Variants in ZNF710 observed in about 807,000 individuals in gnomAD.
The protein encoded by ZNF710 is zinc finger protein 710.
ZNF710 carries 13 observed loss-of-function variants against 50.6 expected under a neutral mutation model. The ratio of observed to expected loss-of-function variants is 0.26; its 90% confidence interval spans 0.17 to 0.41. The LOEUF (loss-of-function observed/expected upper bound fraction) is 0.41, where lower values mean the gene tolerates loss of function less well. ZNF710 is among the 10% of genes least tolerant of loss of function. The probability of loss-of-function intolerance (pLI) is 1.00; values close to 1 mark genes in which losing one functional copy is unlikely to be tolerated. For missense variants in ZNF710, 721 were observed against 936.6 expected, an observed-to-expected ratio of 0.77 and a Z score of 3.01; for synonymous variants, 383 against 397.0, an observed-to-expected ratio of 0.96 and a Z score of 0.42.
chr15:90,079,936 C>A lies in ZNF710; in HGVS notation c.*107C>A, dbSNP rs1900682626. On this transcript the variant is annotated 3_prime_UTR_variant, in exon 5 of 5. Transcript: ENST00000268154. The stretch of plus-strand genomic sequence containing the variant: ...AGCCGAGAAACAAGCTACTGCCCCA[C>A]TGTTCTGAGCCCTCCCTCCCCGAGT... 1.8e-6 allele frequency: 2 copies of A among 1,095,168 alleles called. No homozygotes were observed. The highest frequency in any genetic ancestry group is 2.5e-6 in the Non-Finnish European group (2 of 798,642). The allele number at this position is 1,095,168 out of a possible 1,614,324, so 67.8% of individuals were successfully genotyped here. A position where few individuals can be genotyped will look rare whatever the true frequency, so the allele number is the denominator to read the frequency against.
intron 2 of ZNF710, among the ~76,000 whole-genome samples, chr15:90,070,788 C>T (rs1261171276): frequency 6.6e-6 from 1 of 152,140 alleles, no homozygotes; most frequent in Non-Finnish European, 1.5e-5. Flanking sequence ...CACTGCACTC[C>T]AGTCTGGGCA....
intron 4 of ZNF710, chr15:90,076,468 C>T (rs1900592298): frequency 6.6e-6 from 1 of 152,238 alleles, no homozygotes; most frequent in South Asian, 2.1e-4. Flanking sequence ...GGCGTACTGG[C>T]TCACGCCTAT....
chr15:90,052,554 T>C (rs1484178317), intron 1 of ZNF710, among the ~76,000 whole-genome samples: 1 of 152,214 alleles, frequency 6.6e-6, no homozygotes, highest in Admixed American at 6.5e-5. Flanking sequence ...CAATCCTGCC[T>C]TTATCTCTTA....
intron 1 of ZNF710, among the ~76,000 whole-genome samples, chr15:90,009,919 A>G (rs1898254316): frequency 6.6e-6 from 1 of 151,842 alleles, no homozygotes; most frequent in Non-Finnish European, 1.5e-5. Context: ...CTCTTACCTG[A>G]CTGCCCGGTG....
Position 90,040,881 on chromosome 15 carries a change from C to T in ZNF710, c.-28-26229C>T, listed in dbSNP as rs1270778872. Among the ~76,000 whole-genome samples the T allele has an allele frequency of 1.3e-5, 2 of 152,200 alleles. No individual in the cohort carries two copies. The highest frequency in any genetic ancestry group is 1.5e-5 in the Non-Finnish European group (1 of 68,036). ...TGTTGCAAGTGAGGACTTATCTCTCCACCACCCTATCATTCCTCCTCCTCC... is the reference window on the plus strand; with the variant it reads ...TGTTGCAAGTGAGGACTTATCTCTCTACCACCCTATCATTCCTCCTCCTCC... On this transcript the variant is annotated intron_variant, in intron 1 of 4. Coordinates refer to ENST00000268154, the MANE Select transcript of ZNF710 (RefSeq NM_198526.4). This position sits in a 1 kb window ranked among gnomAD's most constrained non-coding sequence, Gnocchi z 4.6.
Position 90,067,663 on chromosome 15 carries a change from C to T in ZNF710, c.526C>T (p.Arg176Ter). Residue 176 changes from arginine to a stop codon, truncating the protein, a stop_gained, in exon 2 of 5, where the codon CGA becomes TGA. Transcript: ENST00000268154. LOFTEE classifies it high-confidence loss of function. The surrounding 1 kb of genome is among the most constrained non-coding windows in gnomAD (Gnocchi z 8.1). ...GCCCCGGACGCTCCGGCATCTGCCC[C>T]GAACCCCGAGGCCGGAGCTGAACGT... ...RKPRTLRHLP[R>*]TPRPELNVAP... 6.2e-7 allele frequency: 1 copy of T among 1,612,914 alleles called. No homozygotes were observed. The highest frequency in any genetic ancestry group is 8.5e-7 in the Non-Finnish European group (1 of 1,179,590).
At chr15:90,054,843 T>G (rs1899760262) in intron 1 of ZNF710, among the ~76,000 whole-genome samples, 1 of 152,172 alleles carries the variant, frequency 6.6e-6, no homozygotes. Flanking sequence ...TCTGGAAACA[T>G]GAGGCCTGCT....
chr15:90,070,219 G>A (rs1900329895), intron 2 of ZNF710, among the ~76,000 whole-genome samples: 1 of 152,204 alleles, frequency 6.6e-6, no homozygotes, highest in Admixed American at 6.6e-5. Flanking sequence ...GTCTAGCCAG[G>A]CATGGTGCTG....
At chr15:90,037,684 A>G (rs576815894) in intron 1 of ZNF710, among the ~76,000 whole-genome samples, 21 of 152,224 alleles carry the variant, frequency 1.4e-4, no homozygotes, top group Non-Finnish European at 2.8e-4. Context: ...GCATGCCACA[A>G]TTATGAGAGC....
In ZNF710 at chr15:90,001,632, CCCCCCGCCCCAG is replaced by C. The variant is rs1898012500; in HGVS notation, c.-29+23_-29+34del. The C allele has an allele frequency of 7.1e-6, 1 of 141,808 alleles. No homozygotes were observed. The allele number at this position is 141,808 out of a possible 1,614,324, so 8.8% of individuals were successfully genotyped here. ...GACCCAGGGTGAGTGTCCCGCGCGG[CCCCCCGCCCCAG>C]CCCCAGCCCCAGCCCCGCAGCCCCG... On this transcript the variant is annotated intron_variant, in intron 1 of 4. Coordinates refer to ENST00000268154, the MANE Select transcript of ZNF710 (RefSeq NM_198526.4).
In ZNF710 at chr15:90,074,294, G is replaced by A; in HGVS notation, c.1825+4G>A. Reference sequence around the variant, plus strand: ...GACATCGGCCTGGACAGCCAAGGTGGGTGGGCCAAGCGCAATGGACAGAGC... The same window carrying A: ...GACATCGGCCTGGACAGCCAAGGTGAGTGGGCCAAGCGCAATGGACAGAGC... On this transcript the variant is annotated splice_donor_region_variant and intron_variant, in intron 4 of 4. Transcript: ENST00000268154. 1 of 1,612,522 alleles carries A rather than the reference G, an allele frequency of 6.2e-7. No individual in the cohort carries two copies. The highest frequency in any genetic ancestry group is 8.5e-7 in the Non-Finnish European group (1 of 1,179,986).
upstream of ZNF710, among the ~76,000 whole-genome samples, chr15:90,000,458 G>A (rs1490439621): frequency 6.6e-6 from 1 of 151,962 alleles, no homozygotes; most frequent in Non-Finnish European, 1.5e-5. Context: ...ACGCCTCGGC[G>A]CCCCCCAGCA....
At position 90,079,902 on chromosome 15, in the gene ZNF710, A is replaced by C. The variant is rs1596068661; in HGVS notation, c.*73A>C. 5.0e-6 allele frequency: 7 copies of C among 1,389,768 alleles called. No homozygotes were observed. The highest frequency in any genetic ancestry group is 2.6e-5 in the East Asian group (1 of 38,866). 86.1% of individuals were successfully genotyped at this position (1,389,768 alleles called of 1,614,324 possible). A position where few individuals can be genotyped will look rare whatever the true frequency, so the allele number is the denominator to read the frequency against. ...GTGAGACCCATGGGCTGCAGGCTGC[A>C]CCTCCTGCAGCCGAGAAACAAGCTA... On this transcript the variant is annotated 3_prime_UTR_variant, in exon 5 of 5. Coordinates refer to ENST00000268154, the MANE Select transcript of ZNF710 (RefSeq NM_198526.4).
chr15:90,039,827 G>A (rs1343180477), intron 1 of ZNF710, among the ~76,000 whole-genome samples: 1 of 152,134 alleles, frequency 6.6e-6, no homozygotes, highest in Non-Finnish European at 1.5e-5. Flanking sequence ...TTAGAACTGA[G>A]TCCAAAGCCT....
intron 4 of ZNF710, among the ~76,000 whole-genome samples, chr15:90,079,066 C>T (rs1900659872): frequency 6.6e-6 from 1 of 152,222 alleles, no homozygotes; most frequent in Non-Finnish European, 1.5e-5. Context: ...CAGAAAAGCA[C>T]AGCTGCCGGC....
intron 1 of ZNF710, among the ~76,000 whole-genome samples, chr15:90,065,554 G>T (rs530984298): frequency 6.2e-4 from 95 of 152,260 alleles, no homozygotes; most frequent in African/African-American, 2.3e-3. Context: ...TCGGAGGCTG[G>T]TGGGAGGAGC....
Position 90,067,773 on chromosome 15 carries a change from GC to G in ZNF710, c.639del (p.Thr214GlnfsTer13). ...TGGCGCTGCCTGGGCCAGAGGCCTT[GC>G]CCACAGAGTGTGGGTTCGAGCCACC... Reference protein sequence around the residue: ...SMALPGPEALPTECGFEPPHL... With the variant: ...SMALPGPEALXTECGFEPPHL... On this transcript the variant is annotated frameshift_variant, in exon 2 of 5. Coordinates refer to ENST00000268154, the MANE Select transcript of ZNF710 (RefSeq NM_198526.4). LOFTEE classifies it high-confidence loss of function. This position sits in a 1 kb window ranked among gnomAD's most constrained non-coding sequence, Gnocchi z 8.1. 1 of 1,586,370 alleles carries G rather than the reference GC, an allele frequency of 6.3e-7. No homozygotes were observed.
intron 1 of ZNF710, among the ~76,000 whole-genome samples, chr15:90,044,707 C>T (rs1192018810): frequency 1.3e-5 from 2 of 152,156 alleles, no homozygotes; most frequent in African/African-American, 4.8e-5. Context: ...GGAAACGAAC[C>T]TCCTCTGAGA....
intron 1 of ZNF710, chr15:90,045,375 A>AGACAGTGACGGCT: frequency 1.0e-6 from 1 of 985,466 alleles, no homozygotes; most frequent in Admixed American, 6.1e-5. Context: ...TGGAGAGGTT[A>AGACAGTGACGGCT]GACAGTGACG....
Sources: gnomAD v4.1 joint callset for allele counts (sites outside exome capture counted in the v4.1 genomes callset) on GRCh38, gnomAD v4.1.1 for gene constraint, Gnocchi (gnomAD v3.1) non-coding constraint, MANE v1.5 for transcripts, NCBI Gene and HGNC (gene_info 2026-07-23, HGNC 2026-07-21) for gene names.